Variants in ABCB4 observed in about 807,000 individuals in gnomAD.
ABCB4 encodes the protein phosphatidylcholine translocator ABCB4.
In ABCB4, 76 loss-of-function variants were observed where a neutral mutation model predicts 145.7. The ratio of observed to expected loss-of-function variants is 0.52; its 90% CI spans 0.43 to 0.63. The LOEUF (loss-of-function observed/expected upper bound fraction) is 0.63, where lower values mean the gene tolerates loss of function less well. ABCB4 is among the 30% of genes least tolerant of loss of function. ABCB4 has a pLI of 0.00. For synonymous variants in ABCB4, 517 were observed against 566.8 expected (o/e 0.91, Z 1.25); for missense variants, 1,234 against 1,553.1 (o/e 0.79, Z 3.45).
At chr7:87,473,162 C>T (rs45536442) in intron 2 of ABCB4, among the ~76,000 whole-genome samples, 2,303 of 152,278 alleles carry the variant, frequency 0.015, 61 homozygotes, top group African/African-American at 0.052. Flanking sequence ...CCACCTATGC[C>T]GCTTCAGTCT....
chr7:87,472,656 T>G lies in ABCB4; in HGVS notation c.100A>C (p.Thr34Pro). 1 of 1,606,508 alleles carries G rather than the reference T, an allele frequency of 6.2e-7. No individual in the cohort carries two copies. ...ACTCCAATCATTTTCACTGTCTTCG[T>G]TTTTTTCCTTTTTTGTTTGCTGTAA... ...GISSKQKRKK[T>P]KTVKMIGVLT... The change falls in exon 3 of 28, where the codon ACG becomes CCG. Residue 34 changes from threonine (T) to proline (P), a missense_variant. By Grantham distance (38) the Thr-to-Pro change is conservative. Transcript: ENST00000649586.
chr7:87,445,111 C>A, intron 9 of ABCB4, 136 bp from the exon 10 acceptor site: 1 of 660,842 alleles, frequency 1.5e-6, no homozygotes, highest in Non-Finnish European at 2.6e-6. Context: ...TGTGGAAGAG[C>A]AACATTTGCA....
At chr7:87,442,888 G>GATATTCCTA (rs1490811840) in intron 12 of ABCB4, among the ~76,000 whole-genome samples, 5 of 152,094 alleles carry the variant, frequency 3.3e-5, no homozygotes, top group Non-Finnish European at 7.4e-5. Flanking sequence ...TTCCCCCTTA[G>GATATTCCTA]ATATTCCTAA....
At chr7:87,412,595 T>G (rs1259294612) in intron 22 of ABCB4, among the ~76,000 whole-genome samples, 2 of 152,238 alleles carry the variant, frequency 1.3e-5, no homozygotes, top group Admixed American at 6.5e-5. Context: ...TTTGACTTCA[T>G]GCTATACTTT....
At chr7:87,472,289 ACTCACTGCAGC>A (rs1554417260) in intron 3 of ABCB4, among the ~76,000 whole-genome samples, 4 of 151,916 alleles carry the variant, frequency 2.6e-5, no homozygotes, top group Non-Finnish European at 5.9e-5. Context: ...TGTGATCATA[ACTCACTGCAGC>A]CTCAGACTCC....
rs1259994192 is a variant in ABCB4, at chr7:87,440,101, G to T, written c.1560+98C>A. 3 of 1,367,620 alleles carry T rather than the reference G, an allele frequency of 2.2e-6. No homozygotes were observed. In the Admixed American group the frequency reaches 5.6e-5, roughly 26 times the overall value. 84.7% of individuals were successfully genotyped at this position (1,367,620 alleles called of 1,614,324 possible). A position where few individuals can be genotyped will look rare whatever the true frequency, so the allele number is the denominator to read the frequency against. On this transcript the variant is annotated intron_variant, in intron 13 of 27. Transcript: ENST00000649586. ...TTATCTAGCAAAGTTGGACAATCTT[G>T]CATCTCAAACATTATTAGCTAAACC... is the stretch of plus-strand genomic sequence containing the variant.
rs948902384 is a variant in ABCB4 at position 87,409,364 on chromosome 7, C to A, written c.2953G>T (p.Val985Leu). The A allele has an allele frequency of 1.2e-5, 19 of 1,613,946 alleles. No individual in the cohort carries two copies. The highest frequency in any genetic ancestry group is 1.6e-5 in the Non-Finnish European group (19 of 1,179,958). ...LVFSAIVFGAVALGHASSFAP... is the reference protein window; with the variant it reads ...LVFSAIVFGALALGHASSFAP... Reference sequence around the variant, plus strand: ...AATGAACTGGCATGTCCTAGAGCCACTGCACCAAATACAATTGCAGAAAAC... The same window carrying A: ...AATGAACTGGCATGTCCTAGAGCCAATGCACCAAATACAATTGCAGAAAAC... Residue 985 changes from valine to leucine, a missense_variant, in exon 24 of 28, where the codon GTG becomes TTG. Physicochemically the swap from Val to Leu is conservative, Grantham distance 32 (BLOSUM62 1). Around this residue, in one of 7 missense-constraint regions of ABCB4, gnomAD observed 301 missense variants for 389.0 expected, o/e 0.77. Transcript: ENST00000649586.
At chr7:87,415,681 G>A (rs1325583279) in intron 21 of ABCB4, among the ~76,000 whole-genome samples, 1 of 152,064 alleles carries the variant, frequency 6.6e-6, no homozygotes, top group Admixed American at 6.6e-5. Flanking sequence ...AGAGAAGTTG[G>A]GGATCTTCTC....
the ABCB4 span, chr7:87,382,183 T>C: frequency 1.9e-6 from 3 of 1,590,484 alleles, no homozygotes; most frequent in Non-Finnish European, 2.6e-6. Flanking sequence ...CTCAGGGAGG[T>C]ATATTTTTCA....
At chr7:87,376,665 C>A in the ABCB4 span, among the ~76,000 whole-genome samples, 8 of 148,474 alleles carry the variant, frequency 5.4e-5, no homozygotes, top group South Asian at 2.1e-4. Context: ...CACCAGACTT[C>A]TTTTTAAGGA....
At chr7:87,373,962 C>T in the ABCB4 span, among the ~76,000 whole-genome samples, 1 of 152,008 alleles carries the variant, frequency 6.6e-6, no homozygotes, top group Non-Finnish European at 1.5e-5. Flanking sequence ...GAAAATTAGA[C>T]TTAAATAAAG....
intron 3 of ABCB4, among the ~76,000 whole-genome samples, chr7:87,463,246 AACACAC>A (rs56747933): frequency 0.25 from 36,758 of 148,070 alleles, 5,044 homozygotes; most frequent in African/African-American, 0.39. Flanking sequence ...ATTAAGTTTA[AACACAC>A]ACACACACAC....
chr7:87,406,343 A>G lies in ABCB4; in HGVS notation c.3431T>C (p.Ile1144Thr), dbSNP rs372427470. 11 of 1,613,950 alleles carry G rather than the reference A, an allele frequency of 6.8e-6. No homozygotes were observed. Among genetic ancestry groups the G allele is most frequent in the Admixed American group, 1.7e-5 (1 of 59,992 alleles). Reference protein sequence around the residue: ...DNSRVVSQDEIVSAAKAANIH... With the variant: ...DNSRVVSQDETVSAAKAANIH... ...GTTGGCAGCTTTGGCTGCACTCACAATTTCATCCTGTGATACAACCCGGCT... is the reference window on the plus strand; with the variant it reads ...GTTGGCAGCTTTGGCTGCACTCACAGTTTCATCCTGTGATACAACCCGGCT... The change falls in exon 26 of 28, where the codon ATT becomes ACT. Residue 1144 changes from isoleucine to threonine, a missense_variant. Coordinates refer to ENST00000649586, the MANE Select transcript of ABCB4 (RefSeq NM_000443.4).
chr7:87,431,401 T>C lies in ABCB4; in HGVS notation c.1893+3A>G. The C allele has an allele frequency of 6.2e-7, 1 of 1,614,074 alleles. No individual in the cohort carries two copies. The highest frequency in any genetic ancestry group is 1.7e-5 in the Admixed American group (1 of 60,018). On this transcript the variant is annotated splice_donor_region_variant and intron_variant, in intron 15 of 27. Transcript: ENST00000649586. ...GCAGAAAAAATTCCTGAAAAGCAAG[T>C]ACCTGCATGTTGACAAGTTTGAAGT... is the stretch of plus-strand genomic sequence containing the variant.
the ABCB4 span, chr7:87,392,463 C>A: frequency 2.4e-6 from 2 of 839,032 alleles, no homozygotes; most frequent in Non-Finnish European, 3.9e-6. Context: ...GAAATCTTTC[C>A]TCTCCCAAAT....
At chr7:87,440,651 T>A (rs111569203) in intron 12 of ABCB4, among the ~76,000 whole-genome samples, 1 of 152,250 alleles carries the variant, frequency 6.6e-6, no homozygotes, top group Non-Finnish European at 1.5e-5. Context: ...TTTATGTTTT[T>A]GGCATACCAT....
Position 87,408,158 on chromosome 7 carries a change from T to C in ABCB4, c.3158A>G (p.Gln1053Arg), listed in dbSNP as rs1262688271. The change falls in exon 25 of 28, where the codon CAG becomes CGG. Residue 1053 changes from glutamine (Q) to arginine (R), a missense_variant. This residue lies in a region of ABCB4 where 301 missense variants were observed against 389.0 expected (regional missense o/e 0.77). Coordinates refer to ENST00000649586, the MANE Select transcript of ABCB4 (RefSeq NM_000443.4). ...YPTRANVPVL[Q>R]GLSLEVKKGQ... ...TTTCTTCACCTCCAGGCTCAGCCCC[T>C]GAAGCACTGGCACGTTTGCTCGGGT... is the stretch of plus-strand genomic sequence containing the variant. The C allele has an allele frequency of 6.2e-7, 1 of 1,614,238 alleles. No individual in the cohort carries two copies. Among genetic ancestry groups the C allele is most frequent in the Non-Finnish European group, 8.5e-7 (1 of 1,180,024 alleles).
chr7:87,429,416 G>T (rs893478114), intron 15 of ABCB4, among the ~76,000 whole-genome samples: 3 of 152,204 alleles, frequency 2.0e-5, no homozygotes, highest in Non-Finnish European at 4.4e-5. Flanking sequence ...ACCACTGACT[G>T]TTCAGTCTTC....
chr7:87,461,327 A>T (rs1327134725), intron 4 of ABCB4, among the ~76,000 whole-genome samples: 2 of 152,218 alleles, frequency 1.3e-5, no homozygotes, highest in African/African-American at 4.8e-5. Context: ...ACTAGTCACA[A>T]ATAAGCAATC....
Sources: allele counts gnomAD v4.1 joint callset (sites outside exome capture counted in the v4.1 genomes callset), GRCh38; gene constraint gnomAD v4.1.1; regional missense constraint gnomAD v4.1.1; transcripts MANE v1.5; gene names NCBI Gene and HGNC (gene_info 2026-07-23, HGNC 2026-07-21).